CNBP: variants seen among roughly 807,000 people sequenced by gnomAD.
CNBP encodes the protein CCHC-type zinc finger nucleic acid binding protein, also known as cellular nucleic acid-binding protein.
Under a neutral mutation model 21.2 loss-of-function variants are expected in CNBP, and 6 were observed. The observed-to-expected ratio is 0.28, with a 90% CI of 0.16 to 0.56. The LOEUF (loss-of-function observed/expected upper bound fraction) is 0.56, where lower values mean the gene tolerates loss of function less well. Ranked by LOEUF, CNBP falls within the 20% of genes least tolerant of loss-of-function variation. The pLI, the probability that CNBP is intolerant of heterozygous loss-of-function variation, is 0.93. For missense variants in CNBP, 112 were observed against 233.1 expected (o/e 0.48, Z 3.38); for synonymous variants, 61 against 74.9 (o/e 0.81, Z 0.96).
In CNBP at chr3:129,172,632, G is replaced by A. The variant is rs57996191; in HGVS notation, c.-14-861C>T. Among the ~76,000 whole-genome samples, 15 of 43,978 alleles carry A rather than the reference G, an allele frequency of 3.4e-4. 1 individual carries two copies. The highest frequency in any genetic ancestry group is 9.6e-4 in the African/African-American group (14 of 14,648). 28.9% of individuals were successfully genotyped at this position (43,978 alleles called of 152,430 possible). On this transcript the variant is annotated intron_variant, in intron 1 of 4. Coordinates refer to ENST00000422453, the MANE Select transcript of CNBP (RefSeq NM_003418.5). ...GACAGGCAGACAGGCAGCCAGGCAG[G>A]CAGGCAGGCAGGCAGGCAGGCAGGC...
intron 1 of CNBP, among the ~76,000 whole-genome samples, chr3:129,179,896 CTCAGGAGGCTGAG>C (rs961243258): frequency 2.0e-5 from 3 of 152,084 alleles, no homozygotes; most frequent in African/African-American, 7.2e-5. Flanking sequence ...GTCCCAGCTA[CTCAGGAGGCTGAG>C]GCAGGAGAAT....
intron 1 of CNBP, among the ~76,000 whole-genome samples, chr3:129,172,933 C>A (rs545867658): frequency 6.6e-6 from 1 of 152,208 alleles, no homozygotes; most frequent in East Asian, 1.9e-4. Context: ...ACTCTCTTAA[C>A]CTTAGCACCT....
At position 129,173,554 on chromosome 3, in the gene CNBP, A is replaced by C. The variant is rs866454905; in HGVS notation, c.-14-1783T>G. ...ACAATGCTACTTAGAATTTCATAAT[A>C]AACTCCTTTAATTGGTTATCATTTT... On this transcript the variant is annotated intron_variant, in intron 1 of 4. Transcript: ENST00000422453. Among the ~76,000 whole-genome samples, 5 of 152,230 alleles carry C rather than the reference A, an allele frequency of 3.3e-5. No homozygotes were observed. In the South Asian group the frequency reaches 1.0e-3, roughly 31 times the overall value.
chr3:129,171,548 G>A lies in CNBP; in HGVS notation c.125-10C>T. 1 of 1,613,838 alleles carries A rather than the reference G, an allele frequency of 6.2e-7. No individual in the cohort carries two copies. The highest frequency in any genetic ancestry group is 8.5e-7 in the Non-Finnish European group (1 of 1,179,698). ...GAAACAAACTGGAAACCTGTTTTGAGCAAAAACAAAGAATTCGGCTAGTCA... is the reference window on the plus strand; with the variant it reads ...GAAACAAACTGGAAACCTGTTTTGAACAAAAACAAAGAATTCGGCTAGTCA... On this transcript the variant is annotated splice_polypyrimidine_tract_variant and intron_variant, in intron 2 of 4. Coordinates refer to ENST00000422453, the MANE Select transcript of CNBP (RefSeq NM_003418.5).
chr3:129,171,041 G>T, intron 4 of CNBP, 38 bp downstream of exon 4: 1 of 1,570,030 alleles, frequency 6.4e-7, no homozygotes, highest in Non-Finnish European at 8.7e-7. Context: ...AAGAATCTCT[G>T]CAATGAGTTT....
At chr3:129,172,454 C>T (rs564062174) in intron 1 of CNBP, among the ~76,000 whole-genome samples, 32 of 152,046 alleles carry the variant, frequency 2.1e-4, no homozygotes, top group Non-Finnish European at 4.0e-4. Flanking sequence ...TGGCGGCATG[C>T]GCCTGTAATC....
intron 1 of CNBP, among the ~76,000 whole-genome samples, chr3:129,174,349 T>TC (rs777281468): frequency 3.2e-5 from 2 of 63,150 alleles, no homozygotes; most frequent in Admixed American, 2.4e-4. Flanking sequence ...GAGTCAGAAT[T>TC]AAAAAAAAAA....
rs529603157 is a variant in CNBP, at chr3:129,179,884, T to C, written c.-15+3892A>G. Among the ~76,000 whole-genome samples the C allele has an allele frequency of 1.7e-4, 26 of 152,222 alleles. No individual in the cohort carries two copies. In the East Asian group the frequency reaches 3.1e-3, roughly 18 times the overall value. On this transcript the variant is annotated intron_variant, in intron 1 of 4. Transcript: ENST00000422453. Reference sequence around the variant, plus strand: ...AGCCGGGCGTGGTGGCACACGCCTATAGTCCCAGCTACTCAGGAGGCTGAG... The same window carrying C: ...AGCCGGGCGTGGTGGCACACGCCTACAGTCCCAGCTACTCAGGAGGCTGAG...
intron 1 of CNBP, among the ~76,000 whole-genome samples, chr3:129,174,420 C>A (rs1937753548): frequency 6.9e-6 from 1 of 144,250 alleles, no homozygotes; most frequent in African/African-American, 2.6e-5. Flanking sequence ...AATCCCAGCA[C>A]TTTGGGAGGC....
chr3:129,178,680 G>C (rs1157737929), intron 1 of CNBP, among the ~76,000 whole-genome samples: 3 of 152,142 alleles, frequency 2.0e-5, no homozygotes, highest in East Asian at 1.9e-4. Context: ...CTGAATGTAT[G>C]TAAGTATGCA....
chr3:129,171,600 G>C (rs781315240), intron 2 of CNBP, 34 bp downstream of exon 2: 1 of 1,614,100 alleles, frequency 6.2e-7, no homozygotes, highest in Non-Finnish European at 8.5e-7. Flanking sequence ...AACAAATACT[G>C]AAGTACTTCA....
At chr3:129,178,199 A>C (rs1938055255) in intron 1 of CNBP, among the ~76,000 whole-genome samples, 1 of 151,894 alleles carries the variant, frequency 6.6e-6, no homozygotes, top group Non-Finnish European at 1.5e-5. Flanking sequence ...ACAAGACTTA[A>C]GATTTACTGT....
chr3:129,181,348 C>G (rs939468909), intron 1 of CNBP, among the ~76,000 whole-genome samples: 4 of 149,916 alleles, frequency 2.7e-5, no homozygotes, highest in African/African-American at 4.9e-5. Flanking sequence ...TCCAGATGTT[C>G]AAATGCCAGT....
intron 4 of CNBP, 26 bp from the exon 5 acceptor site, chr3:129,170,596 C>T: frequency 6.3e-7 from 1 of 1,575,894 alleles, no homozygotes; most frequent in Non-Finnish European, 8.7e-7. Flanking sequence ...AAAGTTTTCA[C>T]AATGGGCCTC....
At chr3:129,172,681 CAGACAGACAG>C (rs1269383105) in intron 1 of CNBP, among the ~76,000 whole-genome samples, 213 of 115,370 alleles carry the variant, frequency 1.8e-3, no homozygotes, top group South Asian at 4.6e-3. Flanking sequence ...GACAGACAGA[CAGACAGACAG>C]ACAGACACAC....
At chr3:129,174,659 C>A (rs1448574252) in intron 1 of CNBP, among the ~76,000 whole-genome samples, 11 of 105,104 alleles carry the variant, frequency 1.0e-4, no homozygotes, top group Admixed American at 3.7e-4. Flanking sequence ...AACTCCATCT[C>A]AAAAAAAAAA....
chr3:129,179,372 T>A (rs529490252), intron 1 of CNBP, among the ~76,000 whole-genome samples: 2 of 152,326 alleles, frequency 1.3e-5, no homozygotes, highest in East Asian at 3.9e-4. Context: ...AACAGAGTAC[T>A]TACTCGGGAG....
rs892558464 is a variant in CNBP at position 129,168,690 on chromosome 3, G to A, written c.*1763C>T. On this transcript the variant is annotated 3_prime_UTR_variant, in exon 5 of 5. Coordinates refer to ENST00000422453, the MANE Select transcript of CNBP (RefSeq NM_003418.5). ...AAACTGTTCAGAATCGGCCAGACACGGTGGCTCGCACCTGTAACACTAGCA... is the reference window on the plus strand; with the variant it reads ...AAACTGTTCAGAATCGGCCAGACACAGTGGCTCGCACCTGTAACACTAGCA... Among the ~76,000 whole-genome samples, 3 of 150,818 alleles carry A rather than the reference G, an allele frequency of 2.0e-5. No individual in the cohort carries two copies. The highest frequency in any genetic ancestry group is 2.0e-4 in the East Asian group (1 of 5,112).
At chr3:129,171,300 C>G (rs753999892) in intron 3 of CNBP, 23 bp from the exon 4 acceptor site, 1 of 1,613,474 alleles carries the variant, frequency 6.2e-7, no homozygotes. Flanking sequence ...GGAAAAGAAA[C>G]AGGCCAAGAC....
Sources: gnomAD v4.1 joint callset for allele counts (sites outside exome capture counted in the v4.1 genomes callset) on GRCh38, gnomAD v4.1.1 for gene constraint, MANE v1.5 for transcripts, NCBI Gene and HGNC (gene_info 2026-07-23, HGNC 2026-07-21) for gene names.